Variants in SSBP2 observed in about 807,000 individuals in gnomAD.
SSBP2 encodes single stranded DNA binding protein 2, also known as single-stranded DNA-binding protein 2.
Under a neutral mutation model 61.8 loss-of-function variants are expected in SSBP2, and 17 were observed. The ratio of observed to expected loss-of-function variants is 0.28; its 90% CI spans 0.19 to 0.41. SSBP2 has a LOEUF of 0.41. Ranked by LOEUF, SSBP2 falls within the 10% of genes least tolerant of loss-of-function variation. The probability of loss-of-function intolerance (pLI) is 1.00; values close to 1 mark genes in which losing one functional copy is unlikely to be tolerated. For missense variants in SSBP2, 310 were observed against 458.7 expected (o/e 0.68, Z 2.96); for synonymous variants, 139 against 141.3 (o/e 0.98, Z 0.12).
intron 4 of SSBP2, among the ~76,000 whole-genome samples, chr5:81,533,547 G>A (rs1025731729): frequency 1.3e-5 from 2 of 151,936 alleles, no homozygotes; most frequent in South Asian, 4.1e-4. Flanking sequence ...GTTCTGTTAC[G>A]CCATGTAAGA....
intron 8 of SSBP2, among the ~76,000 whole-genome samples, chr5:81,470,647 A>G (rs928325633): frequency 2.6e-5 from 4 of 151,954 alleles, no homozygotes; most frequent in African/African-American, 9.7e-5. Context: ...TTAAGCTCAA[A>G]AAGTTATGGA....
At chr5:81,433,707 T>G (rs1174853808) in intron 15 of SSBP2, among the ~76,000 whole-genome samples, 1 of 152,164 alleles carries the variant, frequency 6.6e-6, no homozygotes, top group Non-Finnish European at 1.5e-5. Flanking sequence ...CCTCAGTTAT[T>G]AAAGGGCTGA....
chr5:81,594,955 G>T (rs960342844), intron 4 of SSBP2, among the ~76,000 whole-genome samples: 11 of 151,872 alleles, frequency 7.2e-5, no homozygotes, highest in African/African-American at 2.7e-4. Context: ...GAGCAAACAC[G>T]TTCAAAAGCT....
chr5:81,604,052 G>A (rs1227633452), intron 4 of SSBP2, among the ~76,000 whole-genome samples: 1 of 151,882 alleles, frequency 6.6e-6, no homozygotes, highest in Non-Finnish European at 1.5e-5. Flanking sequence ...GTATAACAGG[G>A]GAGCAGACTA....
At chr5:81,550,825 G>A (rs1006196377) in intron 4 of SSBP2, among the ~76,000 whole-genome samples, 6 of 152,090 alleles carry the variant, frequency 3.9e-5, no homozygotes, top group South Asian at 2.1e-4. Context: ...GGCCAGGCGC[G>A]GTGGCTCACA....
chr5:81,604,058 GA>G lies in SSBP2; in HGVS notation c.282+11414del, dbSNP rs1744639819. 2.6e-5 allele frequency among the ~76,000 whole-genome samples: 4 copies of G among 152,068 alleles called. No individual in the cohort carries two copies. In the South Asian group the frequency reaches 8.3e-4, roughly 32 times the overall value. On this transcript the variant is annotated intron_variant, in intron 4 of 16. Transcript: ENST00000320672. ...TTCCAAGAAGTATAACAGGGGAGCA[GA>G]CTACTTAGAAAAATACAGGCAAGTG...
chr5:81,616,450 TACGCCC>T (rs1180242627), intron 3 of SSBP2: 2 of 151,692 alleles, frequency 1.3e-5, no homozygotes, highest in African/African-American at 5.0e-5. Context: ...CCGAGGGTCC[TACGCCC>T]ACGGAATCTC....
At chr5:81,427,983 C>T (rs1262570358) in intron 16 of SSBP2, among the ~76,000 whole-genome samples, 2 of 152,182 alleles carry the variant, frequency 1.3e-5, no homozygotes, top group Non-Finnish European at 2.9e-5. Context: ...TTTTTGGTCT[C>T]TCCAATACCT....
chr5:81,440,498 C>T (rs1032642880), intron 14 of SSBP2, 60 bp downstream of exon 14: 1 of 1,436,586 alleles, frequency 7.0e-7, no homozygotes, highest in Non-Finnish European at 9.7e-7. Context: ...GTAATATGCA[C>T]TAGGTAGAAT....
intron 4 of SSBP2, among the ~76,000 whole-genome samples, chr5:81,539,055 TG>T (rs1771038981): frequency 6.6e-6 from 1 of 152,214 alleles, no homozygotes; most frequent in African/African-American, 2.4e-5. Flanking sequence ...TCGATGGGTC[TG>T]GAAAAAGTAA....
In SSBP2 at chr5:81,650,665, C is replaced by T. The variant is rs371374908; in HGVS notation, c.63-326G>A. Among the ~76,000 whole-genome samples, 27 of 152,142 alleles carry T rather than the reference C, an allele frequency of 1.8e-4. No homozygotes were observed. In the East Asian group the frequency reaches 5.2e-3, roughly 29 times the overall value. ...ATAATCTCTAAATCCCATTTGAAGA[C>T]ATAATAACCTTTCATTAGTAAAAGA... is the stretch of plus-strand genomic sequence containing the variant. On this transcript the variant is annotated intron_variant, in intron 1 of 16. Coordinates refer to ENST00000320672, the MANE Select transcript of SSBP2 (RefSeq NM_012446.5).
chr5:81,685,366 A>G (rs1358101295), intron 1 of SSBP2, among the ~76,000 whole-genome samples: 1 of 152,208 alleles, frequency 6.6e-6, no homozygotes, highest in Admixed American at 6.5e-5. Context: ...TTTGAACTAT[A>G]TATGATAATG....
chr5:81,659,687 A>C (rs1750523976), intron 1 of SSBP2, among the ~76,000 whole-genome samples: 1 of 152,192 alleles, frequency 6.6e-6, no homozygotes, highest in African/African-American at 2.4e-5. Flanking sequence ...ATGGAACCAA[A>C]AAAAGAGCCT....
intron 1 of SSBP2, among the ~76,000 whole-genome samples, chr5:81,722,197 A>G (rs551041870): frequency 6.0e-4 from 91 of 152,210 alleles, no homozygotes; most frequent in Non-Finnish European, 9.3e-4. Flanking sequence ...ATCCTGGCTT[A>G]CATCTGAATT....
At chr5:81,643,254 C>T (rs1748951748) in intron 2 of SSBP2, among the ~76,000 whole-genome samples, 1 of 152,188 alleles carries the variant, frequency 6.6e-6, no homozygotes, top group Admixed American at 6.6e-5. Flanking sequence ...TCCAGACCCA[C>T]TTCCACAGCA....
chr5:81,632,855 C>T (rs903655219), intron 3 of SSBP2, among the ~76,000 whole-genome samples: 2 of 152,296 alleles, frequency 1.3e-5, no homozygotes, highest in African/African-American at 4.8e-5. Context: ...TATACCATTT[C>T]CCACTTCCTA....
chr5:81,506,117 T>A (rs1768161443), intron 5 of SSBP2, among the ~76,000 whole-genome samples: 1 of 152,210 alleles, frequency 6.6e-6, no homozygotes, highest in Admixed American at 6.5e-5. Flanking sequence ...GACAGCATTA[T>A]CAAAGCCAGC....
rs529904154 is a variant in SSBP2 at position 81,572,123 on chromosome 5, A to G, written c.282+43350T>C. Among the ~76,000 whole-genome samples, 3 of 152,324 alleles carry G rather than the reference A, an allele frequency of 2.0e-5. No homozygotes were observed. In the South Asian group the frequency reaches 6.2e-4, roughly 32 times the overall value. ...AATGAAAAGGGCATTTTACTTTCAC[A>G]GCATTTTGATGGCCTACTACATATG... On this transcript the variant is annotated intron_variant, in intron 4 of 16. Coordinates refer to ENST00000320672, the MANE Select transcript of SSBP2 (RefSeq NM_012446.5).
intron 3 of SSBP2, among the ~76,000 whole-genome samples, chr5:81,631,735 T>C (rs949523371): frequency 3.3e-5 from 5 of 152,056 alleles, no homozygotes; most frequent in African/African-American, 4.8e-5. Flanking sequence ...ATCATCATCA[T>C]CACCACCACC....
Sources: gnomAD v4.1 joint callset for allele counts (sites outside exome capture counted in the v4.1 genomes callset) on GRCh38, gnomAD v4.1.1 for gene constraint, MANE v1.5 for transcripts, NCBI Gene and HGNC (gene_info 2026-07-23, HGNC 2026-07-21) for gene names.